Variants in KLHDC10 observed in about 807,000 individuals in gnomAD.
KLHDC10 encodes kelch domain-containing protein 10.
KLHDC10 carries 24 observed loss-of-function variants against 56.1 expected under a neutral mutation model. The ratio of observed to expected loss-of-function variants is 0.43; its 90% confidence interval spans 0.31 to 0.60. The LOEUF (loss-of-function observed/expected upper bound fraction) is 0.60. KLHDC10 is among the 20% of genes least tolerant of loss of function. The pLI is 0.11. For synonymous variants in KLHDC10, 188 were observed against 207.1 expected (o/e 0.91, Z 0.79); for missense variants, 349 against 567.0 (o/e 0.62, Z 3.91).
Position 130,135,329 on chromosome 7 carries a change from C to T in KLHDC10, c.*4583C>T, listed in dbSNP as rs1796459571. Reference sequence around the variant, plus strand: ...CTGCACAGGGAGAGCACAGGCATCTCCCTGGAAAAGCACCTGCCAATGACG... The same window carrying T: ...CTGCACAGGGAGAGCACAGGCATCTTCCTGGAAAAGCACCTGCCAATGACG... On this transcript the variant is annotated 3_prime_UTR_variant, in exon 10 of 10. Transcript: ENST00000335420. The T allele has an allele frequency of 6.5e-6, 1 of 154,354 alleles. No individual in the cohort carries two copies. 9.6% of individuals were successfully genotyped at this position (154,354 alleles called of 1,614,324 possible).
At chr7:130,104,168 A>G (rs1044888131) in intron 2 of KLHDC10, among the ~76,000 whole-genome samples, 7 of 152,212 alleles carry the variant, frequency 4.6e-5, no homozygotes, top group South Asian at 4.1e-4. Context: ...CTTCATCCTT[A>G]CTGTCTTTAC....
intron 9 of KLHDC10, 41 bp downstream of exon 9, chr7:130,129,617 T>G (rs762336589): frequency 5.1e-6 from 8 of 1,565,610 alleles, no homozygotes; most frequent in Non-Finnish European, 6.9e-6. Context: ...TAGTTACAGA[T>G]GATAAGGAAA....
chr7:130,119,804 A>G (rs1041265349), intron 3 of KLHDC10, among the ~76,000 whole-genome samples: 30 of 147,962 alleles, frequency 2.0e-4, no homozygotes, highest in African/African-American at 7.6e-4. Context: ...AGATCACACC[A>G]CTACACTCCA....
chr7:130,071,145 G>A (rs923597900), intron 1 of KLHDC10, among the ~76,000 whole-genome samples: 2 of 152,174 alleles, frequency 1.3e-5, no homozygotes, highest in African/African-American at 4.8e-5. Flanking sequence ...GTAAATGAAA[G>A]ACATTGGCGC....
At chr7:130,077,381 A>AAAAAAC (rs1213533247) in intron 1 of KLHDC10, among the ~76,000 whole-genome samples, 2 of 146,856 alleles carry the variant, frequency 1.4e-5, no homozygotes, top group African/African-American at 5.1e-5. Flanking sequence ...AAAAAAAAAA[A>AAAAAAC]ACAGTATATG....
chr7:130,074,272 C>T (rs1223240215), intron 1 of KLHDC10, among the ~76,000 whole-genome samples: 1 of 152,158 alleles, frequency 6.6e-6, no homozygotes, highest in African/African-American at 2.4e-5. Flanking sequence ...CATTAGATCT[C>T]AGTTTGATCA....
At chr7:130,097,102 A>T (rs1795860446) in intron 2 of KLHDC10, 95 bp downstream of exon 2, 2 of 782,314 alleles carry the variant, frequency 2.6e-6, no homozygotes, top group East Asian at 5.1e-5. Flanking sequence ...TTTAAAAATC[A>T]TCTAAACAGC....
intron 1 of KLHDC10, among the ~76,000 whole-genome samples, chr7:130,079,549 C>T (rs373817357): frequency 2.6e-5 from 4 of 152,092 alleles, no homozygotes; most frequent in East Asian, 1.9e-4. Flanking sequence ...CTTACTTTGT[C>T]GTGGTGTATT....
intron 3 of KLHDC10, among the ~76,000 whole-genome samples, chr7:130,118,096 C>G (rs916584875): frequency 6.6e-6 from 1 of 152,048 alleles, no homozygotes; most frequent in Non-Finnish European, 1.5e-5. Flanking sequence ...TCCCTTGAAC[C>G]TGGGAAGGTG....
Position 130,132,963 on chromosome 7 carries a change from C to G in KLHDC10, c.*2217C>G, listed in dbSNP as rs896597314. On this transcript the variant is annotated 3_prime_UTR_variant, in exon 10 of 10. Coordinates refer to ENST00000335420, the MANE Select transcript of KLHDC10 (RefSeq NM_014997.4). Reference sequence around the variant, plus strand: ...AGCTGAAGAGAGATGTGGTCTGGTTCCATCCATACTTGCTGGCATCCTTTG... The same window carrying G: ...AGCTGAAGAGAGATGTGGTCTGGTTGCATCCATACTTGCTGGCATCCTTTG... 2 of 152,240 alleles carry G rather than the reference C, an allele frequency of 1.3e-5. No individual in the cohort carries two copies. Among genetic ancestry groups the G allele is most frequent in the African/African-American group, 2.4e-5 (1 of 41,452 alleles). The allele number at this position is 152,240 out of a possible 1,614,324, so 9.4% of individuals were successfully genotyped here.
rs1796414523 is a variant in KLHDC10, at chr7:130,132,462, T to A, written c.*1716T>A. 6.6e-6 allele frequency: 1 copy of A among 152,218 alleles called. No individual in the cohort carries two copies. The highest frequency in any genetic ancestry group is 1.5e-5 in the Non-Finnish European group (1 of 68,040). 9.4% of individuals were successfully genotyped at this position (152,218 alleles called of 1,614,324 possible). A position where few individuals can be genotyped will look rare whatever the true frequency, so the allele number is the denominator to read the frequency against. On this transcript the variant is annotated 3_prime_UTR_variant, in exon 10 of 10. Transcript: ENST00000335420. Reference sequence around the variant, plus strand: ...ACATGCTCCTGATTTCTAGGCCTTATCATACCATCCCCTCTGTGATGGGTT... The same window carrying A: ...ACATGCTCCTGATTTCTAGGCCTTAACATACCATCCCCTCTGTGATGGGTT...
rs1796407264 is a variant in KLHDC10, at chr7:130,131,972, A to C, written c.*1226A>C. 1 of 152,178 alleles carries C rather than the reference A, an allele frequency of 6.6e-6. No homozygotes were observed. Among genetic ancestry groups the C allele is most frequent in the South Asian group, 2.1e-4 (1 of 4,832 alleles). 9.4% of individuals were successfully genotyped at this position (152,178 alleles called of 1,614,324 possible). On this transcript the variant is annotated 3_prime_UTR_variant, in exon 10 of 10. Coordinates refer to ENST00000335420, the MANE Select transcript of KLHDC10 (RefSeq NM_014997.4). ...CACAGGTCATCCTTCCTGAAGAACC[A>C]AGTATCATTTAAAAACTAGCATGAG...
intron 8 of KLHDC10, among the ~76,000 whole-genome samples, chr7:130,127,801 T>C (rs1385379915): frequency 6.6e-6 from 1 of 152,210 alleles, no homozygotes; most frequent in Admixed American, 6.5e-5. Flanking sequence ...TCAGCGAACA[T>C]TGTATTAAAA....
chr7:130,073,491 T>C (rs1380168055), intron 1 of KLHDC10, among the ~76,000 whole-genome samples: 2 of 151,838 alleles, frequency 1.3e-5, no homozygotes, highest in East Asian at 3.9e-4. Flanking sequence ...AGATGGGTTT[T>C]TGCCATGTTG....
intron 1 of KLHDC10, among the ~76,000 whole-genome samples, chr7:130,071,109 C>G (rs563405594): frequency 6.6e-6 from 1 of 152,346 alleles, no homozygotes; most frequent in African/African-American, 2.4e-5. Flanking sequence ...GATTCCCAAT[C>G]TCTTCCCCTT....
At chr7:130,090,767 C>CGTATGTGT (rs150158300) in intron 1 of KLHDC10, among the ~76,000 whole-genome samples, 2 of 148,142 alleles carry the variant, frequency 1.4e-5, no homozygotes, top group Non-Finnish European at 3.0e-5. Flanking sequence ...TACACATACT[C>CGTATGTGT]GTGTGTGTGT....
rs749912917 is a variant in KLHDC10 at position 130,116,546 on chromosome 7, G to A, written c.355G>A (p.Gly119Arg). The change falls in exon 3 of 10, where the codon GGG becomes AGG. Residue 119 changes from glycine to arginine, a missense_variant. Physicochemically the swap from Gly to Arg is moderately radical, Grantham distance 125. Around this residue, in one of 2 missense-constraint regions of KLHDC10, gnomAD observed 245 missense variants for 470.1 expected, o/e 0.52. Transcript: ENST00000335420. This position sits in a 1 kb window ranked among gnomAD's most constrained non-coding sequence, Gnocchi z 4.8. The part of the protein sequence containing the change: ...GYNPDYDESG[G>R]PDNEDYPLFR... ...TAACCCAGATTATGATGAATCGGGAGGGCCTGATAATGAAGACTATCCTCT... is the reference window on the plus strand; with the variant it reads ...TAACCCAGATTATGATGAATCGGGAAGGCCTGATAATGAAGACTATCCTCT... The A allele has an allele frequency of 6.2e-7, 1 of 1,614,082 alleles. No homozygotes were observed. The highest frequency in any genetic ancestry group is 8.5e-7 in the Non-Finnish European group (1 of 1,179,964).
chr7:130,097,683 G>T (rs550540056), intron 2 of KLHDC10, among the ~76,000 whole-genome samples: 2 of 152,186 alleles, frequency 1.3e-5, no homozygotes, highest in African/African-American at 2.4e-5. Flanking sequence ...CCCAATGTTG[G>T]CAAGGGTATG....
chr7:130,081,652 C>G (rs1033551356), intron 1 of KLHDC10, among the ~76,000 whole-genome samples: 1 of 152,216 alleles, frequency 6.6e-6, no homozygotes, highest in African/African-American at 2.4e-5. Context: ...GGTCTGTGAA[C>G]ATGTTGTATT....
Sources: allele counts gnomAD v4.1 joint callset (sites outside exome capture counted in the v4.1 genomes callset), GRCh38; gene constraint gnomAD v4.1.1; regional missense constraint gnomAD v4.1.1; non-coding constraint Gnocchi (gnomAD v3.1); transcripts MANE v1.5; gene names NCBI Gene and HGNC (gene_info 2026-07-23, HGNC 2026-07-21).